The following NLGN4X variants were observed in gnomAD, a reference collection of about 807,000 sequenced individuals.
NLGN4X encodes the protein neuroligin 4 X-linked.
A neutral mutation model predicts 40.3 loss-of-function variants in NLGN4X; 3 were observed. The ratio of observed to expected loss-of-function variants is 0.07; its 90% CI spans 0.03 to 0.19. The LOEUF (loss-of-function observed/expected upper bound fraction) is 0.19, where lower values mean the gene tolerates loss of function less well. NLGN4X is among the 10% of genes least tolerant of loss of function. The pLI is 1.00. For missense variants in NLGN4X, 382 were observed against 708.3 expected (o/e 0.54, Z 5.23); for synonymous variants, 270 against 306.8 (o/e 0.88, Z 1.25).
At chrX:6,037,070 T>A (rs2037032849) in intron 2 of NLGN4X, among the ~76,000 whole-genome samples, 1 of 111,253 alleles carries the variant, frequency 9.0e-6, no homozygotes, top group African/African-American at 3.3e-5. Flanking sequence ...CCCAACACTT[T>A]GGGACGTCGA....
At chrX:6,130,442 T>C (rs138729523) in intron 2 of NLGN4X, among the ~76,000 whole-genome samples, 267 of 112,258 alleles carry the variant, frequency 2.4e-3, no homozygotes, top group African/African-American at 7.7e-3. Flanking sequence ...CTTTCCTTTT[T>C]AAGACTGTGT....
intron 3 of NLGN4X, among the ~76,000 whole-genome samples, chrX:5,972,724 C>A (rs1453787094): frequency 1.2e-5 from 1 of 83,923 alleles, no homozygotes; most frequent in Non-Finnish European, 2.1e-5. Flanking sequence ...TGGTTTACAA[C>A]TATAATCCCA....
chrX:5,938,966 C>CGTGCGT (rs1389173174), intron 3 of NLGN4X, among the ~76,000 whole-genome samples: 1 of 101,948 alleles, frequency 9.8e-6, no homozygotes, highest in African/African-American at 3.6e-5. Flanking sequence ...TGTGTGTGTG[C>CGTGCGT]GTGTGTGTGT....
chrX:6,145,357 C>T (rs183230773), intron 2 of NLGN4X, among the ~76,000 whole-genome samples: 33 of 112,331 alleles, frequency 2.9e-4, no homozygotes, highest in African/African-American at 8.4e-4. Context: ...AAGCAAAGAA[C>T]GAGATATGAA....
chrX:6,212,667 G>A (rs1274688924), intron 1 of NLGN4X, among the ~76,000 whole-genome samples: 1 of 112,150 alleles, frequency 8.9e-6, no homozygotes, highest in Non-Finnish European at 1.9e-5. Context: ...ATTCAAGGAC[G>A]CTGTAATGTT....
intron 3 of NLGN4X, among the ~76,000 whole-genome samples, chrX:5,983,939 C>A (rs2035459185): frequency 9.0e-6 from 1 of 110,968 alleles, no homozygotes. Flanking sequence ...CCAGCCTGGG[C>A]AACACAGGGA....
intron 3 of NLGN4X, among the ~76,000 whole-genome samples, chrX:5,998,859 T>G (rs1251331838): frequency 8.9e-6 from 1 of 112,842 alleles, no homozygotes; most frequent in Non-Finnish European, 1.9e-5. Flanking sequence ...AAAACAGGAC[T>G]TCAAACATTT....
intron 3 of NLGN4X, among the ~76,000 whole-genome samples, chrX:5,947,921 T>C (rs2034182963): frequency 8.9e-6 from 1 of 112,002 alleles, no homozygotes; most frequent in Admixed American, 9.5e-5. Context: ...CAGAATAGCA[T>C]GAGCACAAAA....
chrX:6,169,978 A>G (rs1478135547), intron 1 of NLGN4X, among the ~76,000 whole-genome samples: 1 of 111,015 alleles, frequency 9.0e-6, no homozygotes, highest in East Asian at 2.8e-4. Context: ...TACTGAAACC[A>G]CTGTATCTTG....
intron 2 of NLGN4X, among the ~76,000 whole-genome samples, chrX:6,085,770 T>C (rs1044764763): frequency 1.8e-5 from 2 of 112,318 alleles, no homozygotes; most frequent in Admixed American, 1.9e-4. Context: ...TCCCCTGGTG[T>C]GGTGGACTCC....
chrX:6,014,031 A>G (rs2036323785), intron 3 of NLGN4X, among the ~76,000 whole-genome samples: 1 of 109,468 alleles, frequency 9.1e-6, no homozygotes, highest in Non-Finnish European at 1.9e-5. Flanking sequence ...AATACAAAAA[A>G]ATTAGCCAGG....
chrX:6,046,518 GAATT>G (rs2037322326), intron 2 of NLGN4X, among the ~76,000 whole-genome samples: 1 of 111,249 alleles, frequency 9.0e-6, no homozygotes, highest in Non-Finnish European at 1.9e-5. Context: ...AAATAAATAT[GAATT>G]AATAATGTAT....
chrX:6,020,911 A>T (rs1303712298), intron 3 of NLGN4X, among the ~76,000 whole-genome samples: 1 of 110,115 alleles, frequency 9.1e-6, no homozygotes, highest in African/African-American at 3.3e-5. Context: ...TCCTAGGCTC[A>T]AGCAATCCTC....
intron 1 of NLGN4X, among the ~76,000 whole-genome samples, chrX:6,183,664 G>A (rs758481361): frequency 3.6e-5 from 4 of 112,313 alleles, no homozygotes; most frequent in African/African-American, 1.3e-4. Flanking sequence ...GACGTCAAAG[G>A]TCCACTCACT....
chrX:5,999,143 C>A (rs1415924644), intron 3 of NLGN4X, among the ~76,000 whole-genome samples: 1 of 111,222 alleles, frequency 9.0e-6, no homozygotes, highest in Admixed American at 9.5e-5. Context: ...CTGAATACCC[C>A]CACTGATCTT....
At chrX:5,895,659 T>C (rs1234785554) in intron 5 of NLGN4X, among the ~76,000 whole-genome samples, 3 of 111,077 alleles carry the variant, frequency 2.7e-5, no homozygotes, top group Non-Finnish European at 5.7e-5. Flanking sequence ...TATAACATAA[T>C]ACAGGAGAAA....
chrX:6,041,261 C>T (rs2037149495), intron 2 of NLGN4X, among the ~76,000 whole-genome samples: 1 of 111,669 alleles, frequency 9.0e-6, no homozygotes, highest in South Asian at 3.8e-4. Flanking sequence ...CCCAGCTGAG[C>T]ACAGCCCAGA....
intron 3 of NLGN4X, among the ~76,000 whole-genome samples, chrX:5,989,848 G>A (rs754838253): frequency 9.0e-6 from 1 of 111,270 alleles, no homozygotes; most frequent in East Asian, 2.8e-4. Context: ...TCCTATACCT[G>A]CATGCCCATG....
intron 5 of NLGN4X, among the ~76,000 whole-genome samples, chrX:5,898,658 G>A (rs1601848014): frequency 9.0e-6 from 1 of 110,973 alleles, no homozygotes; most frequent in Non-Finnish European, 1.9e-5. Flanking sequence ...CTTTCTCCAC[G>A]GCACCGTGTA....
Sources: allele counts gnomAD v4.1 joint callset (sites outside exome capture counted in the v4.1 genomes callset), GRCh38; gene constraint gnomAD v4.1.1; transcripts MANE v1.5; gene names NCBI Gene and HGNC (gene_info 2026-07-23, HGNC 2026-07-21).